The following RSF1 variants were observed in gnomAD, a reference collection of about 807,000 sequenced individuals.
RSF1 encodes the protein HBV pX-associated protein 8.
A neutral mutation model predicts 145.2 loss-of-function variants in RSF1; 13 were observed. That is an observed-to-expected ratio of 0.09 (90% confidence interval 0.06 to 0.14). The LOEUF is 0.14. Ranked by LOEUF, RSF1 falls within the 10% of genes least tolerant of loss-of-function variation. The pLI is 1.00. For missense variants in RSF1, 1,517 were observed against 1,718.2 expected (o/e 0.88, Z 2.07); for synonymous variants, 577 against 592.6 (o/e 0.97, Z 0.38).
chr11:77,853,483 A>G, the RSF1 span, among the ~76,000 whole-genome samples: 5 of 152,138 alleles, frequency 3.3e-5, no homozygotes, highest in East Asian at 9.6e-4. Flanking sequence ...CACTATCACG[A>G]GAACAGCAAG....
At chr11:77,715,469 AG>A (rs1189950597) in intron 5 of RSF1, among the ~76,000 whole-genome samples, 1 of 152,128 alleles carries the variant, frequency 6.6e-6, no homozygotes, top group Non-Finnish European at 1.5e-5. Flanking sequence ...TTTTTTTGAG[AG>A]GGAGTTGCAC....
At chr11:77,772,233 C>T (rs978537932) in intron 1 of RSF1, among the ~76,000 whole-genome samples, 1 of 151,936 alleles carries the variant, frequency 6.6e-6, no homozygotes, top group Non-Finnish European at 1.5e-5. Flanking sequence ...TGCAGTGGCA[C>T]ATCATGGCTC....
In RSF1 at chr11:77,665,761, CACACACACGCACACGCACACACACAA is replaced by C. The variant is rs1423671017; in HGVS notation, c.*1130_*1155del. 5 of 146,484 alleles carry C rather than the reference CACACACACGCACACGCACACACACAA, an allele frequency of 3.4e-5. No homozygotes were observed. In the South Asian group the frequency reaches 1.1e-3, roughly 31 times the overall value. The allele number at this position is 146,484 out of a possible 1,614,324, so 9.1% of individuals were successfully genotyped here. On this transcript the variant is annotated 3_prime_UTR_variant, in exon 16 of 16. Coordinates refer to ENST00000308488, the MANE Select transcript of RSF1 (RefSeq NM_016578.4). The stretch of plus-strand genomic sequence containing the variant: ...CAGGCAGATAGGAAATTCCAACACA[CACACACACGCACACGCACACACACAA>C]ACACACACACACGCTAAAACTCAAA...
intron 9 of RSF1, among the ~76,000 whole-genome samples, chr11:77,690,188 CCTT>C (rs1487831872): frequency 1.4e-5 from 2 of 146,054 alleles, no homozygotes; most frequent in East Asian, 4.0e-4. Context: ...AAACAAAAAA[CCTT>C]CTCCAACTGC....
In RSF1 at chr11:77,701,346, G is replaced by A. The variant is rs1960417215; in HGVS notation, c.1883C>T (p.Thr628Ile). ...EKPGSPEAAE[T>I]SPPSNIIDHC... ...GTCAATGATATTAGATGGTGGAGAAGTTTCAGCTGCCTCAGGAGAGCCAGG... is the reference window on the plus strand; with the variant it reads ...GTCAATGATATTAGATGGTGGAGAAATTTCAGCTGCCTCAGGAGAGCCAGG... The change falls in exon 6 of 16, where the codon ACT (threonine) becomes ATT (isoleucine). Residue 628 changes from threonine (T) to isoleucine (I), a missense_variant. Thr to Ile is a moderately conservative substitution (Grantham distance 89). Coordinates refer to ENST00000308488, the MANE Select transcript of RSF1 (RefSeq NM_016578.4). The A allele has an allele frequency of 6.2e-7, 1 of 1,614,088 alleles. No homozygotes were observed. The highest frequency in any genetic ancestry group is 8.5e-7 in the Non-Finnish European group (1 of 1,180,036).
chr11:77,735,082 G>A, intron 4 of RSF1: 1 of 1,007,932 alleles, frequency 9.9e-7, no homozygotes, highest in Non-Finnish European at 1.5e-6. Flanking sequence ...CGCTGGGGCG[G>A]CGGCAGGGGC....
At chr11:77,711,299 C>T (rs1565156645) in intron 5 of RSF1, among the ~76,000 whole-genome samples, 1 of 152,078 alleles carries the variant, frequency 6.6e-6, no homozygotes, top group Non-Finnish European at 1.5e-5. Context: ...ACTATTTTGT[C>T]TCAAATTATA....
the RSF1 span, among the ~76,000 whole-genome samples, chr11:77,833,854 AT>A: frequency 6.6e-6 from 1 of 152,190 alleles, no homozygotes; most frequent in East Asian, 1.9e-4. Context: ...AAATGATTCC[AT>A]TTATTTTTGA....
intron 1 of RSF1, among the ~76,000 whole-genome samples, chr11:77,796,485 A>C (rs1196148454): frequency 1.3e-5 from 2 of 152,214 alleles, no homozygotes; most frequent in African/African-American, 4.8e-5. Context: ...AAATCTCAAT[A>C]AACTAGATAT....
At chr11:77,860,347 T>C in the RSF1 span, among the ~76,000 whole-genome samples, 120 of 152,338 alleles carry the variant, frequency 7.9e-4, no homozygotes, top group African/African-American at 2.7e-3. Context: ...TGCTAAGGAA[T>C]CCTCTTAGTT....
At chr11:77,775,618 C>T (rs1948334537) in intron 1 of RSF1, among the ~76,000 whole-genome samples, 1 of 152,188 alleles carries the variant, frequency 6.6e-6, no homozygotes, top group Admixed American at 6.5e-5. Flanking sequence ...CTATGCTCAT[C>T]ATGTATATTC....
chr11:77,870,672 C>T, the RSF1 span, among the ~76,000 whole-genome samples: 105 of 152,100 alleles, frequency 6.9e-4, no homozygotes, highest in African/African-American at 2.4e-3. Flanking sequence ...AATATATGCT[C>T]ATTGTAAAAG....
rs761966286 is a variant in RSF1, at chr11:77,820,662, C to A, written c.53G>T (p.Gly18Val). The change falls in exon 1 of 16, where the codon GGT becomes GTT. Residue 18 changes from glycine to valine, a missense_variant. By Grantham distance (109) the Gly-to-Val change is moderately radical. Coordinates refer to ENST00000308488, the MANE Select transcript of RSF1 (RefSeq NM_016578.4). ...AAVMAPPGCP[G>V]SCPNFAVVCS... Reference sequence around the variant, plus strand: ...GACTACGGCGAAGTTGGGGCACGAACCCGGGCAGCCCGGAGGAGCCATCAC... The same window carrying A: ...GACTACGGCGAAGTTGGGGCACGAAACCGGGCAGCCCGGAGGAGCCATCAC... The A allele has an allele frequency of 1.3e-6, 2 of 1,557,030 alleles. No individual in the cohort carries two copies. Among genetic ancestry groups the A allele is most frequent in the Admixed American group, 1.9e-5 (1 of 51,364 alleles).
chr11:77,691,001 CT>C, intron 9 of RSF1, 157 bp downstream of exon 9: 1 of 563,616 alleles, frequency 1.8e-6, no homozygotes, highest in South Asian at 2.9e-5. Context: ...AAAAAACATT[CT>C]TAGTTAGCAG....
intron 5 of RSF1, among the ~76,000 whole-genome samples, chr11:77,708,376 G>C (rs563113899): frequency 7.7e-4 from 118 of 152,294 alleles, no homozygotes; most frequent in African/African-American, 2.6e-3. Context: ...CCTGCAGTGA[G>C]CCATGACCAC....
chr11:77,781,345 C>A (rs758792638), intron 1 of RSF1, among the ~76,000 whole-genome samples: 4 of 152,182 alleles, frequency 2.6e-5, no homozygotes, highest in Non-Finnish European at 5.9e-5. Context: ...GTGTTCTGCC[C>A]ACCTCAGCCT....
intron 12 of RSF1, 24 bp downstream of exon 12, chr11:77,678,062 G>T: frequency 6.3e-7 from 1 of 1,584,940 alleles, no homozygotes; most frequent in Non-Finnish European, 8.7e-7. Flanking sequence ...GTTCTATGAA[G>T]AAGAGAGAAC....
the RSF1 span, among the ~76,000 whole-genome samples, chr11:77,850,239 G>A: frequency 6.6e-6 from 1 of 152,194 alleles, no homozygotes; most frequent in African/African-American, 2.4e-5. Flanking sequence ...AGGTCTTCAA[G>A]CAGTATCCTG....
At chr11:77,865,198 A>G in the RSF1 span, among the ~76,000 whole-genome samples, 1 of 152,212 alleles carries the variant, frequency 6.6e-6, no homozygotes, top group South Asian at 2.1e-4. Flanking sequence ...TTAGTAATGG[A>G]TTACTTAGCA....
Sources: gnomAD v4.1 joint callset for allele counts (sites outside exome capture counted in the v4.1 genomes callset) on GRCh38, gnomAD v4.1.1 for gene constraint, MANE v1.5 for transcripts, NCBI Gene and HGNC (gene_info 2026-07-23, HGNC 2026-07-21) for gene names.